The following STRIP2 variants were observed in gnomAD, a reference collection of about 807,000 sequenced individuals.
STRIP2 encodes striatin-interacting protein 2.
A neutral mutation model predicts 107.1 loss-of-function variants in STRIP2; 84 were observed. That is an observed-to-expected ratio of 0.78 (90% CI 0.66 to 0.94). The LOEUF (loss-of-function observed/expected upper bound fraction) is 0.94. Ranked by LOEUF, STRIP2 falls within the 40% of genes least tolerant of loss-of-function variation. STRIP2 has a pLI of 0.00. For missense variants in STRIP2, 888 were observed against 1,034.2 expected (o/e 0.86, Z 1.94); for synonymous variants, 394 against 400.4 (o/e 0.98, Z 0.19).
At chr7:129,468,348 C>A (rs1007726471) in intron 17 of STRIP2, among the ~76,000 whole-genome samples, 2 of 152,182 alleles carry the variant, frequency 1.3e-5, no homozygotes, top group Non-Finnish European at 2.9e-5. Flanking sequence ...TTAAAACACA[C>A]ACACACCCTA....
Position 129,487,322 on chromosome 7 carries a change from G to C in STRIP2, c.*1493G>C, listed in dbSNP as rs2151023294. 1 of 152,158 alleles carries C rather than the reference G, an allele frequency of 6.6e-6. No homozygotes were observed. The highest frequency in any genetic ancestry group is 2.4e-5 in the African/African-American group (1 of 41,502). 9.4% of individuals were successfully genotyped at this position (152,158 alleles called of 1,614,324 possible). ...GAGCCACCATGCCCAGCCTCTTCAA[G>C]CTTTTTTACTATACATGTTGCCCCT... On this transcript the variant is annotated 3_prime_UTR_variant, in exon 21 of 21. Transcript: ENST00000249344.
rs1798356164 is a variant in STRIP2, at chr7:129,456,458, A to G, written c.854A>G (p.Glu285Gly). The G allele has an allele frequency of 2.5e-6, 4 of 1,613,236 alleles. No individual in the cohort carries two copies. The highest frequency in any genetic ancestry group is 1.3e-5 in the African/African-American group (1 of 74,706). Reference sequence around the variant, plus strand: ...CCTTAGTTTACCCTCGGTGGATTTGAGCATCTGCAGACTCTCAAAGTACAG... The same window carrying G: ...CCTTAGTTTACCCTCGGTGGATTTGGGCATCTGCAGACTCTCAAAGTACAG... ...KVVMFTLGGF[E>G]HLQTLKVQKR... Residue 285 changes from glutamate (E) to glycine (G), a missense_variant, in exon 9 of 21, where the codon GAG becomes GGG. By Grantham distance (98) the Glu-to-Gly change is moderately conservative. Transcript: ENST00000249344.
chr7:129,482,906 T>C lies in STRIP2; in HGVS notation c.2114T>C (p.Leu705Pro). ...KRALKVKQAM[L>P]QLYVLKLLKL... is the part of the protein sequence containing the mutation. ...GCCCTCAAGGTCAAACAGGCCATGCTGCAACTTTATGTCCTAAAGCTACTA... is the reference window on the plus strand; with the variant it reads ...GCCCTCAAGGTCAAACAGGCCATGCCGCAACTTTATGTCCTAAAGCTACTA... The change falls in exon 20 of 21, where the codon CTG becomes CCG. Residue 705 changes from leucine (L) to proline (P), a missense_variant. Transcript: ENST00000249344. 1.2e-6 allele frequency: 2 copies of C among 1,614,210 alleles called. No homozygotes were observed. Among genetic ancestry groups the C allele is most frequent in the Non-Finnish European group, 1.7e-6 (2 of 1,180,032 alleles).
rs1799252285 is a variant in STRIP2 at position 129,486,828 on chromosome 7, T to C, written c.*999T>C. 6.6e-6 allele frequency: 1 copy of C among 152,140 alleles called. No homozygotes were observed. Among genetic ancestry groups the C allele is most frequent in the African/African-American group, 2.4e-5 (1 of 41,428 alleles). 9.4% of individuals were successfully genotyped at this position (152,140 alleles called of 1,614,324 possible). ...TATTGCTAGCAGTTTCAAAGTGTCA[T>C]GTGGAGATTTAGCAATACTGTCTCT... On this transcript the variant is annotated 3_prime_UTR_variant, in exon 21 of 21. Coordinates refer to ENST00000249344, the MANE Select transcript of STRIP2 (RefSeq NM_020704.3).
At position 129,459,533 on chromosome 7, in the gene STRIP2, G is replaced by T; in HGVS notation, c.1357G>T (p.Val453Phe). 1 of 1,613,974 alleles carries T rather than the reference G, an allele frequency of 6.2e-7. No homozygotes were observed. ...FTLGQDTDTL[V>F]GLPRPIHESV... ...CTTTTACAGGGACACAGATACATTG[G>T]TTGGATTACCCAGGCCCATCCATGA... Residue 453 changes from valine to phenylalanine, a missense_variant, in exon 12 of 21, where the codon GTT (valine) becomes TTT (phenylalanine). Coordinates refer to ENST00000249344, the MANE Select transcript of STRIP2 (RefSeq NM_020704.3).
chr7:129,444,116 C>T lies in STRIP2; in HGVS notation c.274+18C>T, dbSNP rs1409303867. ...GACTCAAGGTAATTCCAGATCTTTA[C>T]TCATAGAGACCTGCTTTTTCCTTTT... On this transcript the variant is annotated intron_variant, in intron 3 of 20. Transcript: ENST00000249344. 2 of 1,585,566 alleles carry T rather than the reference C, an allele frequency of 1.3e-6. No homozygotes were observed. The highest frequency in any genetic ancestry group is 1.3e-5 in the African/African-American group (1 of 74,298).
At chr7:129,463,680 A>T (rs956914594) in intron 14 of STRIP2, among the ~76,000 whole-genome samples, 2 of 152,176 alleles carry the variant, frequency 1.3e-5, no homozygotes, top group African/African-American at 4.8e-5. Context: ...TTTTTAGTAG[A>T]GATGGAGTTT....
At chr7:129,485,455 C>A (rs201366225) in intron 20 of STRIP2, 124 bp from the exon 21 acceptor site, 8,213 of 769,296 alleles carry the variant, frequency 0.011, 15 homozygotes, top group African/African-American at 0.017. Flanking sequence ...TTGCTCTTTA[C>A]AAAAAAAAAA....
Position 129,444,082 on chromosome 7 carries a change from A to G in STRIP2, c.258A>G (p.Glu86=). The change falls in exon 3 of 21, where the codon GAA becomes GAG. Residue 86 remains glutamate (E), a synonymous_variant. Transcript: ENST00000249344. ...CCAATAACAGGAGGTGCTTTGAAGAAGATTTCAAGACTCAAGGTAATTCCA... is the reference window on the plus strand; with the variant it reads ...CCAATAACAGGAGGTGCTTTGAAGAGGATTTCAAGACTCAAGGTAATTCCA... The part of the protein sequence containing the change: ...EFTNNRRCFE[E]DFKTQVQGKE... The G allele has an allele frequency of 6.2e-7, 1 of 1,613,200 alleles. No homozygotes were observed.
At chr7:129,448,200 T>G (rs1798088719) in intron 3 of STRIP2, among the ~76,000 whole-genome samples, 1 of 152,090 alleles carries the variant, frequency 6.6e-6, no homozygotes, top group Admixed American at 6.5e-5. Context: ...AGCTAAAACT[T>G]CATTAGTTAC....
rs1331474222 is a variant in STRIP2, at chr7:129,483,002, A to G, written c.2210A>G (p.Gln737Arg). 3 of 1,614,250 alleles carry G rather than the reference A, an allele frequency of 1.9e-6. No individual in the cohort carries two copies. The highest frequency in any genetic ancestry group is 2.5e-6 in the Non-Finnish European group (3 of 1,180,046). Residue 737 changes from glutamine (Q) to arginine (R), a missense_variant, in exon 20 of 21, where the codon CAG (glutamine) becomes CGG (arginine). Gln to Arg is a conservative substitution (Grantham distance 43). Coordinates refer to ENST00000249344, the MANE Select transcript of STRIP2 (RefSeq NM_020704.3). This position sits in a 1 kb window ranked among gnomAD's most constrained non-coding sequence, Gnocchi z 5.1. Reference sequence around the variant, plus strand: ...ATGAAAACCATGTCAGCCATTTACCAGAAAGTGCGTCACCGCATGAACGAT... The same window carrying G: ...ATGAAAACCATGTCAGCCATTTACCGGAAAGTGCGTCACCGCATGAACGAT... ...SNMKTMSAIY[Q>R]KVRHRMNDDW...
At chr7:129,485,515 C>T in intron 20 of STRIP2, 64 bp from the exon 21 acceptor site, 1 of 1,565,870 alleles carries the variant, frequency 6.4e-7, no homozygotes. Context: ...ATAGACCATG[C>T]TCTGTGATAA....
Position 129,485,590 on chromosome 7 carries a change from A to T in STRIP2, c.2266A>T (p.Arg756Ter). ...DWAYGNDIDA[R>*]PWDFQAEECT... ...TCTTTCCAACACAGACATCGATGCC[A>T]GACCATGGGACTTCCAAGCAGAAGA... is the stretch of plus-strand genomic sequence containing the variant. Residue 756 changes from arginine to a stop codon, truncating the protein, a stop_gained, in exon 21 of 21, where the codon AGA becomes TGA. Coordinates refer to ENST00000249344, the MANE Select transcript of STRIP2 (RefSeq NM_020704.3). LOFTEE classifies it high-confidence loss of function. The T allele has an allele frequency of 6.2e-7, 1 of 1,613,908 alleles. No individual in the cohort carries two copies. Among genetic ancestry groups the T allele is most frequent in the Non-Finnish European group, 8.5e-7 (1 of 1,179,980 alleles).
At chr7:129,465,598 C>T (rs937087334) in intron 16 of STRIP2, among the ~76,000 whole-genome samples, 2 of 152,190 alleles carry the variant, frequency 1.3e-5, no homozygotes, top group African/African-American at 4.8e-5. Context: ...TCTAGGCCCT[C>T]ATTTAATTAT....
intron 1 of STRIP2, among the ~76,000 whole-genome samples, chr7:129,436,387 C>G (rs1236632352): frequency 6.6e-6 from 1 of 152,214 alleles, no homozygotes; most frequent in Non-Finnish European, 1.5e-5. Flanking sequence ...GGCAAAGGCT[C>G]TGAGAGTACA....
At chr7:129,438,692 C>T (rs1797817656) in intron 1 of STRIP2, among the ~76,000 whole-genome samples, 1 of 152,038 alleles carries the variant, frequency 6.6e-6, no homozygotes, top group Non-Finnish European at 1.5e-5. Context: ...ACGTTAGACA[C>T]CAGCCATAGG....
At chr7:129,464,785 G>A (rs1157749451) in intron 16 of STRIP2, 47 bp downstream of exon 16, 1 of 1,612,448 alleles carries the variant, frequency 6.2e-7, no homozygotes, top group East Asian at 2.2e-5. Flanking sequence ...TGTTTGCCAG[G>A]CCCTATCTCT....
At chr7:129,472,299 C>T (rs2151012621) in intron 18 of STRIP2, among the ~76,000 whole-genome samples, 1 of 152,262 alleles carries the variant, frequency 6.6e-6, no homozygotes, top group East Asian at 1.9e-4. Context: ...GTTCCAACCC[C>T]ATTGGTTCAT....
rs1799185798 is a variant in STRIP2 at position 129,483,890 on chromosome 7, C to G, written c.2254+844C>G. ...AGTAGCTGGGACTACAGATGCATAC[C>G]ACCACTACACCCGGCTAATTTTTCA... On this transcript the variant is annotated intron_variant, in intron 20 of 20. Coordinates refer to ENST00000249344, the MANE Select transcript of STRIP2 (RefSeq NM_020704.3). The surrounding 1 kb of genome is among the most constrained non-coding windows in gnomAD (Gnocchi z 5.1). Among the ~76,000 whole-genome samples, 1 of 152,060 alleles carries G rather than the reference C, an allele frequency of 6.6e-6. No homozygotes were observed. The highest frequency in any genetic ancestry group is 6.6e-5 in the Admixed American group (1 of 15,252).
Sources: gnomAD v4.1 joint callset for allele counts (sites outside exome capture counted in the v4.1 genomes callset) on GRCh38, gnomAD v4.1.1 for gene constraint, Gnocchi (gnomAD v3.1) non-coding constraint, MANE v1.5 for transcripts, NCBI Gene and HGNC (gene_info 2026-07-23, HGNC 2026-07-21) for gene names.